Variants in MCRIP1 observed in about 807,000 individuals in gnomAD.
MCRIP1 encodes the protein MAPK regulated corepressor interacting protein 1.
A neutral mutation model predicts 14.4 loss-of-function variants in MCRIP1; 10 were observed. That is an observed-to-expected ratio of 0.70 (90% CI 0.43 to 1.18). MCRIP1 has a LOEUF of 1.18. MCRIP1 is among the 50% of genes most tolerant of loss of function. The probability of loss-of-function intolerance (pLI) is 0.00; values close to 1 mark genes in which losing one functional copy is unlikely to be tolerated. For synonymous variants in MCRIP1, 53 were observed against 55.7 expected, an observed-to-expected ratio of 0.95 and a Z score of 0.21; for missense variants, 119 against 135.4, an observed-to-expected ratio of 0.88 and a Z score of 0.60.
chr17:81,827,096 C>T (rs1405900255), intron 1 of MCRIP1, among the ~76,000 whole-genome samples: 10 of 147,504 alleles, frequency 6.8e-5, no homozygotes, highest in Admixed American at 4.1e-4. Flanking sequence ...CCAGCTTGGG[C>T]GACAGAGCAA....
At chr17:81,824,198 G>A in intron 3 of MCRIP1, 89 bp downstream of exon 3, 1 of 1,052,326 alleles carries the variant, frequency 9.5e-7, no homozygotes, top group Non-Finnish European at 1.4e-6. Flanking sequence ...GGGGCCGCAG[G>A]AGGTTCCTCG....
chr17:81,825,531 C>T (rs984023229), intron 1 of MCRIP1: 16 of 1,273,816 alleles, frequency 1.3e-5, no homozygotes, highest in African/African-American at 1.5e-5. Context: ...CCAGGGCACA[C>T]GGCTGCAGCC....
chr17:81,826,203 C>T (rs573058013), intron 1 of MCRIP1: 38 of 1,516,900 alleles, frequency 2.5e-5, no homozygotes, highest in African/African-American at 6.9e-5. Context: ...ACTACCCTTC[C>T]GGGGCTCCCT....
chr17:81,823,796 C>G lies in MCRIP1; in HGVS notation c.128-283G>C. ...AGGCTTCCCTGCGCCTCGGAGGCAG[C>G]GCATCCTCCTCAGCTAGGCCTCTAT... On this transcript the variant is annotated intron_variant, in intron 3 of 4. Coordinates refer to ENST00000455127, the MANE Select transcript of MCRIP1 (RefSeq NM_207368.5). This position sits in a 1 kb window ranked among gnomAD's most constrained non-coding sequence, Gnocchi z 6.0. 1.7e-6 allele frequency: 1 copy of G among 583,478 alleles called. No homozygotes were observed. The highest frequency in any genetic ancestry group is 3.0e-6 in the Non-Finnish European group (1 of 328,002). The allele number at this position is 583,478 out of a possible 1,614,324, so 36.1% of individuals were successfully genotyped here. A position where few individuals can be genotyped will look rare whatever the true frequency, so the allele number is the denominator to read the frequency against.
chr17:81,832,385 C>T (rs2038537385), intron 1 of MCRIP1, among the ~76,000 whole-genome samples: 1 of 152,134 alleles, frequency 6.6e-6, no homozygotes, highest in African/African-American at 2.4e-5. Context: ...GCCCTCCTCC[C>T]CATCCTGATC....
rs1170405702 is a variant in MCRIP1 at position 81,824,349 on chromosome 17, G to A, written c.65C>T (p.Pro22Leu). ...GGTGAAGATCTCGCTGCTGCTGGGT[G>A]GGGAGCGGGGGCTGCTGGTCCTCTT... The part of the protein sequence containing the change: ...NGKRTSSPRS[P>L]PSSSEIFTPA... Residue 22 changes from proline (P) to leucine (L), a missense_variant, in exon 3 of 5, where the codon CCA (proline) becomes CTA (leucine). Physicochemically the swap from Pro to Leu is moderately conservative, Grantham distance 98. Coordinates refer to ENST00000455127, the MANE Select transcript of MCRIP1 (RefSeq NM_207368.5). 5.2e-6 allele frequency: 8 copies of A among 1,531,472 alleles called. No homozygotes were observed. Among genetic ancestry groups the A allele is most frequent in the Admixed American group, 2.0e-5 (1 of 50,196 alleles). The allele number at this position is 1,531,472 out of a possible 1,614,324, so 94.9% of individuals were successfully genotyped here.
At chr17:81,827,238 G>A (rs547616172) in intron 1 of MCRIP1, among the ~76,000 whole-genome samples, 1 of 151,896 alleles carries the variant, frequency 6.6e-6, no homozygotes, top group Non-Finnish European at 1.5e-5. Flanking sequence ...AACCAGCCTG[G>A]GCAACATGGC....
At position 81,822,782 on chromosome 17, in the gene MCRIP1, C is replaced by T. The variant is rs568541653; in HGVS notation, c.*465G>A. ...AGGCCACGGGAGCAGCAAGGGTCTG[C>T]GGGGAGCCCAGGCTGGATGGGGTGG... On this transcript the variant is annotated 3_prime_UTR_variant, in exon 5 of 5. Transcript: ENST00000455127. 34 of 214,358 alleles carry T rather than the reference C, an allele frequency of 1.6e-4. 1 individual carries two copies. Among genetic ancestry groups the T allele is most frequent in the South Asian group, 5.5e-4 (7 of 12,772 alleles). The allele number at this position is 214,358 out of a possible 1,614,324, so 13.3% of individuals were successfully genotyped here.
Position 81,823,187 on chromosome 17 carries a change from G to A in MCRIP1, c.*60C>T, listed in dbSNP as rs2038306871. The A allele has an allele frequency of 6.7e-7, 1 of 1,489,168 alleles. No homozygotes were observed. The highest frequency in any genetic ancestry group is 1.2e-5 in the South Asian group (1 of 83,060). The allele number at this position is 1,489,168 out of a possible 1,614,324, so 92.2% of individuals were successfully genotyped here. Reference sequence around the variant, plus strand: ...ATCCCAGGGGCAGGACCACAGGACAGGAGGGAACCGACACCTCGCACCCTG... The same window carrying A: ...ATCCCAGGGGCAGGACCACAGGACAAGAGGGAACCGACACCTCGCACCCTG... On this transcript the variant is annotated 3_prime_UTR_variant, in exon 5 of 5. Transcript: ENST00000455127. The surrounding 1 kb of genome is among the most constrained non-coding windows in gnomAD (Gnocchi z 6.0).
intron 1 of MCRIP1, among the ~76,000 whole-genome samples, chr17:81,828,048 G>A (rs1290947225): frequency 6.6e-6 from 1 of 152,034 alleles, no homozygotes; most frequent in Non-Finnish European, 1.5e-5. Context: ...CCAAAGTGCT[G>A]AGATTACAGG....
chr17:81,824,516 G>A lies in MCRIP1; in HGVS notation c.-10C>T, dbSNP rs567977643. The A allele has an allele frequency of 8.5e-6, 13 of 1,535,940 alleles. No homozygotes were observed. The highest frequency in any genetic ancestry group is 1.7e-4 in the Middle Eastern group (1 of 6,008). ...AGACCCACCTGGTCATCGCGGGGGCGTCTGATCCTAGCGCTCCACCGCCAG... is the reference window on the plus strand; with the variant it reads ...AGACCCACCTGGTCATCGCGGGGGCATCTGATCCTAGCGCTCCACCGCCAG... On this transcript the variant is annotated 5_prime_UTR_variant, in exon 2 of 5. The change creates a new upstream start codon in the 5' untranslated region. Coordinates refer to ENST00000455127, the MANE Select transcript of MCRIP1 (RefSeq NM_207368.5).
Position 81,824,528 on chromosome 17 carries a change from C to T in MCRIP1, c.-22G>A, listed in dbSNP as rs944199338. ...TCATCGCGGGGGCGTCTGATCCTAGCGCTCCACCGCCAGATCCCCTCAGCC... is the reference window on the plus strand; with the variant it reads ...TCATCGCGGGGGCGTCTGATCCTAGTGCTCCACCGCCAGATCCCCTCAGCC... On this transcript the variant is annotated 5_prime_UTR_variant, in exon 2 of 5. Coordinates refer to ENST00000455127, the MANE Select transcript of MCRIP1 (RefSeq NM_207368.5). The T allele has an allele frequency of 1.0e-5, 16 of 1,535,838 alleles. No individual in the cohort carries two copies. The highest frequency in any genetic ancestry group is 4.9e-5 in the East Asian group (2 of 40,920).
rs1204720166 is a variant in MCRIP1 at position 81,823,813 on chromosome 17, G to A, written c.128-300C>T. 3 of 576,038 alleles carry A rather than the reference G, an allele frequency of 5.2e-6. No homozygotes were observed. The highest frequency in any genetic ancestry group is 3.7e-5 in the African/African-American group (2 of 53,380). The allele number at this position is 576,038 out of a possible 1,614,324, so 35.7% of individuals were successfully genotyped here. A position where few individuals can be genotyped will look rare whatever the true frequency, so the allele number is the denominator to read the frequency against. On this transcript the variant is annotated intron_variant, in intron 3 of 4. Transcript: ENST00000455127. The surrounding 1 kb of genome is among the most constrained non-coding windows in gnomAD (Gnocchi z 6.0). ...GGAGGCAGCGCATCCTCCTCAGCTAGGCCTCTATCTTTCCCACCTCATCCA... is the reference window on the plus strand; with the variant it reads ...GGAGGCAGCGCATCCTCCTCAGCTAAGCCTCTATCTTTCCCACCTCATCCA...
At chr17:81,827,428 C>T (rs537573206) in intron 1 of MCRIP1, among the ~76,000 whole-genome samples, 7 of 151,958 alleles carry the variant, frequency 4.6e-5, no homozygotes, top group East Asian at 2.0e-4. Flanking sequence ...CCCGCCACCA[C>T]GCCCAGCTAA....
rs528091047 is a variant in MCRIP1 at position 81,831,464 on chromosome 17, T to C, written c.-49+1774A>G. 1.0e-4 allele frequency among the ~76,000 whole-genome samples: 15 copies of C among 144,726 alleles called. No homozygotes were observed. In the South Asian group the frequency reaches 3.5e-3, roughly 34 times the overall value. 94.9% of individuals were successfully genotyped at this position (144,726 alleles called of 152,430 possible). On this transcript the variant is annotated intron_variant, in intron 1 of 4. Coordinates refer to ENST00000455127, the MANE Select transcript of MCRIP1 (RefSeq NM_207368.5). ...TGTTGATTATCAAGAATGAAACAACTCTTCTGGGTAAACTGGAATGTAGAG... is the reference window on the plus strand; with the variant it reads ...TGTTGATTATCAAGAATGAAACAACCCTTCTGGGTAAACTGGAATGTAGAG...
chr17:81,828,886 C>T (rs1346995466), intron 1 of MCRIP1, among the ~76,000 whole-genome samples: 2 of 152,208 alleles, frequency 1.3e-5, no homozygotes, highest in African/African-American at 4.8e-5. Context: ...ACAACCTCAG[C>T]GGGGCGGCCT....
rs1461508474 is a variant in MCRIP1, at chr17:81,823,195, C to G, written c.*52G>C. On this transcript the variant is annotated 3_prime_UTR_variant, in exon 5 of 5. Coordinates refer to ENST00000455127, the MANE Select transcript of MCRIP1 (RefSeq NM_207368.5). The surrounding 1 kb of genome is among the most constrained non-coding windows in gnomAD (Gnocchi z 6.0). ...GGCAGGACCACAGGACAGGAGGGAA[C>G]CGACACCTCGCACCCTGATCTTCCG... 1 of 1,516,448 alleles carries G rather than the reference C, an allele frequency of 6.6e-7. No individual in the cohort carries two copies. Among genetic ancestry groups the G allele is most frequent in the African/African-American group, 1.4e-5 (1 of 72,538 alleles). The allele number at this position is 1,516,448 out of a possible 1,614,324, so 93.9% of individuals were successfully genotyped here.
intron 1 of MCRIP1, among the ~76,000 whole-genome samples, chr17:81,832,550 G>A (rs1467156105): frequency 6.6e-6 from 1 of 152,222 alleles, no homozygotes; most frequent in Non-Finnish European, 1.5e-5. Flanking sequence ...CTTTGGTCAA[G>A]CTGTCTTCTC....
At chr17:81,827,766 G>A (rs1022427679) in intron 1 of MCRIP1, among the ~76,000 whole-genome samples, 2 of 147,372 alleles carry the variant, frequency 1.4e-5, no homozygotes, top group Admixed American at 6.8e-5. Context: ...CACCTATTGT[G>A]CACCCATACA....
Sources: allele counts gnomAD v4.1 joint callset (sites outside exome capture counted in the v4.1 genomes callset), GRCh38; gene constraint gnomAD v4.1.1; non-coding constraint Gnocchi (gnomAD v3.1); transcripts MANE v1.5; gene names NCBI Gene and HGNC (gene_info 2026-07-23, HGNC 2026-07-21).